MCF2L: variants seen among roughly 807,000 people sequenced by gnomAD.
The protein encoded by MCF2L is guanine nucleotide exchange factor DBS.
MCF2L carries 97 observed loss-of-function variants against 153.4 expected under a neutral mutation model. That is an observed-to-expected ratio of 0.63 (90% CI 0.54 to 0.75). The LOEUF is 0.75. MCF2L is among the 30% of genes least tolerant of loss of function. The pLI, the probability that MCF2L is intolerant of heterozygous loss-of-function variation, is 0.00. For missense variants in MCF2L, 1,347 were observed against 1,495.2 expected, an observed-to-expected ratio of 0.90 and a Z score of 1.64; for synonymous variants, 659 against 632.2, an observed-to-expected ratio of 1.04 and a Z score of -0.64.
intron 11 of MCF2L, 56 bp downstream of exon 11, chr13:113,075,245 C>T (rs2033346622): frequency 6.8e-7 from 1 of 1,479,880 alleles, no homozygotes. Flanking sequence ...CAGCCTCTTC[C>T]TCCCACATCC....
intron 3 of MCF2L, among the ~76,000 whole-genome samples, chr13:113,030,543 C>T (rs2085615317): frequency 6.7e-6 from 1 of 148,736 alleles, no homozygotes. Context: ...CCTCGGGTGT[C>T]CACCGACGCA....
chr13:113,077,154 G>A lies in MCF2L; in HGVS notation c.1603G>A (p.Val535Met), dbSNP rs1316041355. 1.9e-6 allele frequency: 3 copies of A among 1,610,992 alleles called. No individual in the cohort carries two copies. Among genetic ancestry groups the A allele is most frequent in the East Asian group, 2.2e-5 (1 of 44,830 alleles). Residue 535 changes from valine to methionine, a missense_variant, in exon 13 of 30, where the codon GTG becomes ATG. Val to Met is a conservative substitution (Grantham distance 21, BLOSUM62 1). Around this residue, in one of 3 missense-constraint regions of MCF2L, gnomAD observed 820 missense variants for 921.2 expected, o/e 0.89. Transcript: ENST00000535094. Reference protein sequence around the residue: ...KKLAARQTRPVQPVAPRPEAL... With the variant: ...KKLAARQTRPMQPVAPRPEAL... Reference sequence around the variant, plus strand: ...GCTGGCGGCCAGGCAGACGCGGCCCGTGCAGCCGGTGGCCCCCAGACCCGA... The same window carrying A: ...GCTGGCGGCCAGGCAGACGCGGCCCATGCAGCCGGTGGCCCCCAGACCCGA...
chr13:112,940,222 T>C (rs1326299748), intron 2 of MCF2L, among the ~76,000 whole-genome samples: 1 of 152,172 alleles, frequency 6.6e-6, no homozygotes, highest in East Asian at 1.9e-4. Context: ...TGATACTTTT[T>C]CATGTAAATC....
chr13:113,086,589 G>A (rs2034658272), intron 21 of MCF2L, among the ~76,000 whole-genome samples: 1 of 152,190 alleles, frequency 6.6e-6, no homozygotes, highest in Admixed American at 6.5e-5. Context: ...GAGCAGACGT[G>A]ACTTCTGTTT....
At position 112,983,058 on chromosome 13, in the gene MCF2L, G is replaced by A. The variant is rs912877687; in HGVS notation, c.79+13600G>A. On this transcript the variant is annotated intron_variant, in intron 1 of 29. Transcript: ENST00000535094. This position sits in a 1 kb window ranked among gnomAD's most constrained non-coding sequence, Gnocchi z 4.0. ...TTCCTGATGCCTTTGGGTGTGGAAAGTGGTGGGGGCAGCCAGGCTGGTTCA... is the reference window on the plus strand; with the variant it reads ...TTCCTGATGCCTTTGGGTGTGGAAAATGGTGGGGGCAGCCAGGCTGGTTCA... Among the ~76,000 whole-genome samples, 1 of 152,074 alleles carries A rather than the reference G, an allele frequency of 6.6e-6. No individual in the cohort carries two copies. The highest frequency in any genetic ancestry group is 1.5e-5 in the Non-Finnish European group (1 of 68,010).
chr13:112,916,482 C>T (rs945077707), intron 2 of MCF2L, among the ~76,000 whole-genome samples: 9 of 152,140 alleles, frequency 5.9e-5, no homozygotes, highest in African/African-American at 1.4e-4. Context: ...CGCACGTCCG[C>T]GCTCTCGCGT....
intron 13 of MCF2L, 24 bp from the exon 14 acceptor site, chr13:113,078,339 C>A: frequency 1.3e-6 from 2 of 1,596,268 alleles, no homozygotes; most frequent in South Asian, 1.1e-5. Context: ...GGACTTCATG[C>A]CCCGCTCCCC....
chr13:113,085,929 C>T (rs2034597649), intron 20 of MCF2L, among the ~76,000 whole-genome samples, 195 bp from the exon 21 acceptor site: 1 of 151,646 alleles, frequency 6.6e-6, no homozygotes, highest in Non-Finnish European at 1.5e-5. Flanking sequence ...AGGGTCTGCA[C>T]CTGGCAGGGG....
intron 3 of MCF2L, among the ~76,000 whole-genome samples, chr13:113,033,450 TG>T (rs2085924251): frequency 1.0e-5 from 1 of 98,680 alleles, no homozygotes; most frequent in Non-Finnish European, 2.1e-5. Flanking sequence ...GCCCCCGTGA[TG>T]TGAGTGGCCC....
chr13:112,948,035 T>G (rs1174004837), intron 2 of MCF2L, among the ~76,000 whole-genome samples: 1 of 152,208 alleles, frequency 6.6e-6, no homozygotes, highest in Non-Finnish European at 1.5e-5. Flanking sequence ...CATAGCTGTG[T>G]GACCAAGGAG....
intron 2 of MCF2L, among the ~76,000 whole-genome samples, chr13:112,963,926 C>T (rs984117405): frequency 6.6e-6 from 1 of 152,214 alleles, no homozygotes; most frequent in African/African-American, 2.4e-5. Flanking sequence ...GCTCCAGGCC[C>T]CAGAGATTCC....
chr13:113,062,790 A>G (rs2031728102), intron 5 of MCF2L, among the ~76,000 whole-genome samples: 1 of 152,138 alleles, frequency 6.6e-6, no homozygotes, highest in South Asian at 2.1e-4. Context: ...AAACCCATGG[A>G]TGGAGTGACC....
intron 1 of MCF2L, among the ~76,000 whole-genome samples, chr13:113,002,840 C>T (rs990414980): frequency 1.4e-4 from 22 of 152,106 alleles, no homozygotes; most frequent in Non-Finnish European, 2.8e-4. Flanking sequence ...TAACTATCAA[C>T]GGCAATGAAT....
At chr13:112,974,962 G>C (rs773348125) in intron 1 of MCF2L, among the ~76,000 whole-genome samples, 3 of 152,216 alleles carry the variant, frequency 2.0e-5, no homozygotes, top group Non-Finnish European at 2.9e-5. Context: ...ACGACGTGCA[G>C]GCAGCACTCT....
intron 25 of MCF2L, 135 bp downstream of exon 25, chr13:113,088,763 A>G (rs1333129408): frequency 5.7e-6 from 5 of 884,270 alleles, no homozygotes; most frequent in Non-Finnish European, 7.1e-6. Context: ...CCTGGTGTTT[A>G]TGTGCTGACG....
chr13:112,937,699 G>A (rs1348343304), intron 2 of MCF2L, among the ~76,000 whole-genome samples: 1 of 152,224 alleles, frequency 6.6e-6, no homozygotes, highest in Non-Finnish European at 1.5e-5. Flanking sequence ...AGCCCTGATT[G>A]GGTGATGCAG....
intron 2 of MCF2L, among the ~76,000 whole-genome samples, chr13:112,954,714 C>T (rs904842310): frequency 6.6e-6 from 1 of 152,198 alleles, no homozygotes; most frequent in Admixed American, 6.5e-5. Flanking sequence ...TGCTCCAGGA[C>T]CTCTGGGGTG....
At chr13:113,093,496 A>G (rs1174125732) in intron 26 of MCF2L, 1 of 152,438 alleles carries the variant, frequency 6.6e-6, no homozygotes, top group South Asian at 2.1e-4. Flanking sequence ...GCTGTCAGCC[A>G]TTGGAACTGG....
intron 1 of MCF2L, chr13:112,985,580 C>CTCCTCTGTG: frequency 2.4e-6 from 1 of 421,358 alleles, no homozygotes; most frequent in African/African-American, 2.0e-5. Flanking sequence ...TCTGTGGATG[C>CTCCTCTGTG]CCCGTGCTCC....
Sources: allele counts gnomAD v4.1 joint callset (sites outside exome capture counted in the v4.1 genomes callset), GRCh38; gene constraint gnomAD v4.1.1; regional missense constraint gnomAD v4.1.1; non-coding constraint Gnocchi (gnomAD v3.1); transcripts MANE v1.5; gene names NCBI Gene and HGNC (gene_info 2026-07-23, HGNC 2026-07-21).